TMPRSS9: variants seen among roughly 807,000 people sequenced by gnomAD.
TMPRSS9 encodes the protein transmembrane protease serine 9.
A neutral mutation model predicts 111.4 loss-of-function variants in TMPRSS9; 113 were observed. The ratio of observed to expected loss-of-function variants is 1.01; its 90% CI spans 0.87 to 1.19. TMPRSS9 has a LOEUF of 1.19. TMPRSS9 is among the 50% of genes most tolerant of loss of function. The pLI, the probability that TMPRSS9 is intolerant of heterozygous loss-of-function variation, is 0.00. For synonymous variants in TMPRSS9, 805 were observed against 659.1 expected (o/e 1.22, Z -3.39); for missense variants, 1,803 against 1,513.1 (o/e 1.19, Z -3.18).
At chr19:2,425,068 G>A (rs748558894) in exon 16 of TMPRSS9, 30 of 1,571,824 alleles carry the variant, frequency 1.9e-5, no homozygotes, top group African/African-American at 2.7e-5. Context: ...CGGAGGGGCA[G>A]CTGGAGCGCG....
chr19:2,416,263 T>C, intron 11 of TMPRSS9: 3 of 498,988 alleles, frequency 6.0e-6, no homozygotes, highest in Non-Finnish European at 1.1e-5. Context: ...CATAAAGCTG[T>C]AGGGGGTTGG....
chr19:2,368,180 CA>C (rs2145242034), intron 1 of TMPRSS9, among the ~76,000 whole-genome samples: 1 of 152,248 alleles, frequency 6.6e-6, no homozygotes, highest in Non-Finnish European at 1.5e-5. Flanking sequence ...GGAGAGACTG[CA>C]CATGGCGGCT....
intron 13 of TMPRSS9, among the ~76,000 whole-genome samples, chr19:2,419,348 C>T (rs1443791206): frequency 4.0e-5 from 6 of 149,192 alleles, no homozygotes; most frequent in South Asian, 2.1e-4. Flanking sequence ...GGATTATAGG[C>T]GCCCGCCACC....
At chr19:2,410,472 A>G in intron 9 of TMPRSS9, 78 bp downstream of exon 10, 1 of 1,551,800 alleles carries the variant, frequency 6.4e-7, no homozygotes, top group Non-Finnish European at 8.7e-7. Flanking sequence ...CAATTCACAG[A>G]TATCTGGATG....
chr19:2,394,153 A>G (rs1279101672), intron 1 of TMPRSS9, among the ~76,000 whole-genome samples: 1 of 152,110 alleles, frequency 6.6e-6, no homozygotes, highest in East Asian at 1.9e-4. Context: ...CACTGAGCCA[A>G]GATCGTGCCA....
chr19:2,419,510 TTTTTC>T (rs1303776850), intron 13 of TMPRSS9, among the ~76,000 whole-genome samples: 1 of 125,900 alleles, frequency 7.9e-6, no homozygotes, highest in East Asian at 3.6e-4. Context: ...CCTAGATTTC[TTTTTC>T]TTTTTCCTTT....
Position 2,411,589 on chromosome 19 carries a change from T to C in TMPRSS9, c.1254+1195T>C, listed in dbSNP as rs539269462. On this transcript the variant is annotated intron_variant, in intron 9 of 17. Coordinates refer to ENST00000648592, the Ensembl canonical transcript of TMPRSS9. The stretch of plus-strand genomic sequence containing the variant: ...ATTTTTGTATTTTTAATTAAGACAC[T>C]GTCTCGCTCTGTCACCCAGGCTGGA... Among the ~76,000 whole-genome samples, 18 of 150,044 alleles carry C rather than the reference T, an allele frequency of 1.2e-4. 1 individual carries two copies. The South Asian group carries it at 3.8e-3, about 32-fold the overall frequency.
At position 2,424,985 on chromosome 19, in the gene TMPRSS9, C is replaced by T. The variant is rs1416724741; in HGVS notation, c.2718-17C>T. 1.2e-5 allele frequency: 18 copies of T among 1,499,806 alleles called. No homozygotes were observed. Among genetic ancestry groups the T allele is most frequent in the East Asian group, 2.6e-5 (1 of 37,974 alleles). 92.9% of individuals were successfully genotyped at this position (1,499,806 alleles called of 1,614,324 possible). ...CGTGGGGGCTCGGGCCGACGCCTGTCCTCGCGCGCCCCGCAGCTACGGGGA... is the reference window on the plus strand; with the variant it reads ...CGTGGGGGCTCGGGCCGACGCCTGTTCTCGCGCGCCCCGCAGCTACGGGGA... On this transcript the variant is annotated splice_polypyrimidine_tract_variant and intron_variant, in intron 15 of 17. Transcript: ENST00000648592.
rs949983385 is a variant in TMPRSS9 at position 2,377,976 on chromosome 19, T to C, written c.-25-11785T>C. 3.3e-5 allele frequency among the ~76,000 whole-genome samples: 5 copies of C among 151,414 alleles called. No individual in the cohort carries two copies. The Admixed American group carries it at 3.3e-4, about 10-fold the overall frequency. On this transcript the variant is annotated intron_variant, in intron 1 of 17. Coordinates refer to the TMPRSS9 transcript ENST00000649857. ...GCTTCGATCTCCTGGGCTCGAGTGA[T>C]GAACCCTCCCACCTCAGCCTCCTGA...
At chr19:2,396,137 C>T (rs1165995332) in intron 1 of TMPRSS9, 2 of 164,714 alleles carry the variant, frequency 1.2e-5, no homozygotes, top group African/African-American at 4.8e-5. Flanking sequence ...ATTTCACCGT[C>T]TCCTGATGCC....
At position 2,395,773 on chromosome 19, in the gene TMPRSS9, C is replaced by T. The variant is rs570120927; in HGVS notation, c.143-766C>T. On this transcript the variant is annotated intron_variant, in intron 1 of 17. Coordinates refer to ENST00000648592, the Ensembl canonical transcript of TMPRSS9. ...CTGTAATCTGAGCACTTTGGGAGGCCGAGGAGGGCGGATCACGAGGTCAGG... is the reference window on the plus strand; with the variant it reads ...CTGTAATCTGAGCACTTTGGGAGGCTGAGGAGGGCGGATCACGAGGTCAGG... Among the ~76,000 whole-genome samples, 7 of 152,128 alleles carry T rather than the reference C, an allele frequency of 4.6e-5. No homozygotes were observed. The East Asian group carries it at 5.8e-4, about 13-fold the overall frequency.
At chr19:2,416,201 GCACT>G in intron 11 of TMPRSS9, 1 of 431,578 alleles carries the variant, frequency 2.3e-6, no homozygotes. Flanking sequence ...TGGTGCCACT[GCACT>G]CCATCTGGGG....
At chr19:2,371,826 G>A (rs369886520) in intron 1 of TMPRSS9, among the ~76,000 whole-genome samples, 3 of 152,002 alleles carry the variant, frequency 2.0e-5, no homozygotes, top group Non-Finnish European at 4.4e-5. Flanking sequence ...CATCACCACC[G>A]CGTTGGGATG....
At chr19:2,363,274 G>A (rs1402058798) in intron 1 of TMPRSS9, among the ~76,000 whole-genome samples, 2 of 152,192 alleles carry the variant, frequency 1.3e-5, no homozygotes, top group Non-Finnish European at 2.9e-5. Context: ...AGAGTCCTTA[G>A]GCAAAAGGTG....
chr19:2,376,617 G>T (rs1327673985), intron 1 of TMPRSS9, among the ~76,000 whole-genome samples: 1 of 151,924 alleles, frequency 6.6e-6, no homozygotes, highest in South Asian at 2.1e-4. Flanking sequence ...GTGCCCCCAC[G>T]CCCGGCTAAT....
intron 12 of TMPRSS9, 136 bp from the exon 14 acceptor site, chr19:2,417,865 AT>A: frequency 8.1e-7 from 1 of 1,239,120 alleles, no homozygotes; most frequent in Non-Finnish European, 1.1e-6. Context: ...GCTTTGTGAG[AT>A]TCCTGCAACT....
intron 9 of TMPRSS9, among the ~76,000 whole-genome samples, chr19:2,412,197 C>G (rs772300500): frequency 2.2e-4 from 34 of 151,700 alleles, no homozygotes; most frequent in Non-Finnish European, 4.1e-4. Flanking sequence ...AGTTTGAGAC[C>G]AGTTAGGGCA....
At chr19:2,367,191 C>T (rs1970254038) in intron 1 of TMPRSS9, among the ~76,000 whole-genome samples, 1 of 151,352 alleles carries the variant, frequency 6.6e-6, no homozygotes, top group Non-Finnish European at 1.5e-5. Flanking sequence ...GGAAATTAGG[C>T]TCTGCTAGGT....
At chr19:2,425,660 C>A in intron 17 of TMPRSS9, 167 bp downstream of exon 18, 2 of 1,326,196 alleles carry the variant, frequency 1.5e-6, no homozygotes, top group South Asian at 1.7e-5. Flanking sequence ...ACTCCACAGC[C>A]GTTTATTGGG....
Sources: allele counts gnomAD v4.1 joint callset (sites outside exome capture counted in the v4.1 genomes callset), GRCh38; gene constraint gnomAD v4.1.1; transcripts MANE v1.5; gene names NCBI Gene and HGNC (gene_info 2026-07-23, HGNC 2026-07-21).